CASK: variants seen among roughly 807,000 people sequenced by gnomAD.
The protein encoded by CASK is calcium/calmodulin dependent serine protein kinase.
A neutral mutation model predicts 82.9 loss-of-function variants in CASK; 4 were observed. That is an observed-to-expected ratio of 0.05 (90% confidence interval 0.02 to 0.11). The LOEUF is 0.11. CASK is among the 10% of genes least tolerant of loss of function. The pLI is 1.00. For missense variants in CASK, 358 were observed against 720.9 expected (o/e 0.50, Z 5.76); for synonymous variants, 259 against 253.5 (o/e 1.02, Z -0.20).
intron 5 of CASK, among the ~76,000 whole-genome samples, chrX:41,714,173 G>C (rs917075217): frequency 5.4e-5 from 6 of 111,463 alleles, no homozygotes; most frequent in Non-Finnish European, 1.1e-4. Flanking sequence ...AGGGTTGGTA[G>C]GAATACGAGA....
rs1443568657 is a variant in CASK at position 41,518,970 on chromosome X, G to A, written c.*1450C>T. 1.8e-5 allele frequency: 2 copies of A among 111,533 alleles called. No homozygotes were observed. The highest frequency in any genetic ancestry group is 3.8e-5 in the Non-Finnish European group (2 of 53,134). 9.2% of individuals were successfully genotyped at this position (111,533 alleles called of 1,213,427 possible). On this transcript the variant is annotated 3_prime_UTR_variant, in exon 27 of 27. Coordinates refer to ENST00000378163, the MANE Select transcript of CASK (RefSeq NM_001367721.1). ...CCCTGTGCCAAGGGATACAGCAAGA[G>A]GAAGGAGAGACCACAGGTGGCCTCC...
At chrX:41,792,067 T>C (rs1401671151) in intron 2 of CASK, among the ~76,000 whole-genome samples, 1 of 111,355 alleles carries the variant, frequency 9.0e-6, no homozygotes, top group Non-Finnish European at 1.9e-5. Context: ...TCTCCAACAA[T>C]AGTAAAGCAA....
intron 3 of CASK, among the ~76,000 whole-genome samples, chrX:41,778,398 T>G (rs1406770368): frequency 9.1e-6 from 1 of 110,037 alleles, no homozygotes; most frequent in African/African-American, 3.3e-5. Context: ...GCCTGGCTAA[T>G]TTTTGTATTT....
chrX:41,541,722 T>C (rs914573580), intron 22 of CASK, among the ~76,000 whole-genome samples: 2 of 112,154 alleles, frequency 1.8e-5, no homozygotes, highest in African/African-American at 6.5e-5. Context: ...CATTTCATAC[T>C]TGTCAGAAAC....
chrX:41,834,771 A>G (rs891446754), intron 2 of CASK, among the ~76,000 whole-genome samples: 1 of 112,332 alleles, frequency 8.9e-6, no homozygotes, highest in Non-Finnish European at 1.9e-5. Flanking sequence ...TCTGACATGT[A>G]TTATTTAATT....
intron 4 of CASK, 29 bp downstream of exon 4, chrX:41,745,495 C>T (rs1413083506): frequency 1.0e-6 from 1 of 984,796 alleles, no homozygotes; most frequent in African/African-American, 1.9e-5. Flanking sequence ...TTCAACTTGA[C>T]CTCTGGTGAT....
At chrX:41,901,604 G>C (rs1011631323) in intron 1 of CASK, among the ~76,000 whole-genome samples, 6 of 111,818 alleles carry the variant, frequency 5.4e-5, no homozygotes, top group Non-Finnish European at 1.1e-4. Context: ...TGTCTGGCAG[G>C]GGGGCTTGCT....
At chrX:41,772,754 C>T (rs1012536062) in intron 3 of CASK, among the ~76,000 whole-genome samples, 1 of 111,251 alleles carries the variant, frequency 9.0e-6, no homozygotes, top group Admixed American at 9.5e-5. Flanking sequence ...AGTCCCAGCA[C>T]TTTAGGAGGC....
At chrX:41,908,048 C>T (rs1156260878) in intron 1 of CASK, among the ~76,000 whole-genome samples, 1 of 111,362 alleles carries the variant, frequency 9.0e-6, no homozygotes, top group Non-Finnish European at 1.9e-5. Flanking sequence ...TGGTTTCTAA[C>T]AGGTCATGAA....
At chrX:41,608,054 G>T (rs1282875159) in intron 12 of CASK, among the ~76,000 whole-genome samples, 1 of 111,995 alleles carries the variant, frequency 8.9e-6, no homozygotes, top group African/African-American at 3.2e-5. Context: ...GACCACATTT[G>T]GGGAAAGAAG....
intron 21 of CASK, among the ~76,000 whole-genome samples, chrX:41,548,865 G>A (rs1331601997): frequency 2.7e-5 from 3 of 112,181 alleles, no homozygotes; most frequent in Non-Finnish European, 5.6e-5. Context: ...TTGTGGCATA[G>A]TCTCATGTGG....
intron 1 of CASK, among the ~76,000 whole-genome samples, chrX:41,895,506 A>G (rs2072256075): frequency 1.8e-5 from 2 of 111,687 alleles, no homozygotes; most frequent in African/African-American, 6.5e-5. Flanking sequence ...CAAGAAAAAG[A>G]GAAGGTGTCA....
intron 16 of CASK, among the ~76,000 whole-genome samples, chrX:41,563,216 A>G (rs973907109): frequency 9.4e-6 from 1 of 106,448 alleles, no homozygotes; most frequent in Admixed American, 1.0e-4. Context: ...TATTAAAAAA[A>G]TTAGCTGAGT....
chrX:41,594,086 G>A (rs2065783386), intron 12 of CASK, among the ~76,000 whole-genome samples: 1 of 111,917 alleles, frequency 8.9e-6, no homozygotes, highest in South Asian at 3.7e-4. Context: ...GACCTTACCA[G>A]TAGTCTTGGA....
At chrX:41,776,845 CAT>C (rs2069374381) in intron 3 of CASK, among the ~76,000 whole-genome samples, 1 of 112,418 alleles carries the variant, frequency 8.9e-6, no homozygotes, top group African/African-American at 3.2e-5. Context: ...ACACTGTAAA[CAT>C]GTCAATTATT....
At chrX:41,731,355 G>C (rs1224952997) in intron 5 of CASK, among the ~76,000 whole-genome samples, 1 of 112,334 alleles carries the variant, frequency 8.9e-6, no homozygotes, top group East Asian at 2.8e-4. Context: ...AGGAGGTTGA[G>C]GCTGAAGTGA....
Position 41,854,224 on chromosome X carries a change from G to GCGCACACACA in CASK, c.60-998_60-997insTGTGTGTGCG, listed in dbSNP as rs1367817089. ...AACATGCGCGCGCGCGCGGGCGCGCGCACACACACACACACACACACACAC... is the reference window on the plus strand; with the variant it reads ...AACATGCGCGCGCGCGCGGGCGCGCGCGCACACACACACACACACACACACACACACACAC... On this transcript the variant is annotated intron_variant, in intron 1 of 26. Transcript: ENST00000378163. Among the ~76,000 whole-genome samples, 318 of 81,686 alleles carry GCGCACACACA rather than the reference G, an allele frequency of 3.9e-3. 1 individual carries two copies. Among genetic ancestry groups the GCGCACACACA allele is most frequent in the East Asian group, 0.016 (28 of 1,722 alleles). 70.9% of individuals were successfully genotyped at this position (81,686 alleles called of 115,157 possible).
At chrX:41,700,924 T>C in intron 5 of CASK, among the ~76,000 whole-genome samples, 1 of 49,233 alleles carries the variant, frequency 2.0e-5, no homozygotes, top group Non-Finnish European at 3.2e-5. Flanking sequence ...AGAGTGAGAC[T>C]CCGTCTCAAA....
chrX:41,612,434 G>C (rs1269918077), intron 11 of CASK, among the ~76,000 whole-genome samples: 1 of 95,090 alleles, frequency 1.1e-5, no homozygotes, highest in Non-Finnish European at 2.2e-5. Context: ...CAGCCGCCCC[G>C]TCTGAGAAGT....
Sources: allele counts gnomAD v4.1 joint callset (sites outside exome capture counted in the v4.1 genomes callset), GRCh38; gene constraint gnomAD v4.1.1; transcripts MANE v1.5; gene names NCBI Gene and HGNC (gene_info 2026-07-23, HGNC 2026-07-21).